VPS33A: variants seen among roughly 807,000 people sequenced by gnomAD.
VPS33A encodes the protein vacuolar protein sorting-associated protein 33A.
A neutral mutation model predicts 71.8 loss-of-function variants in VPS33A; 32 were observed. The observed-to-expected ratio is 0.45, with a 90% confidence interval of 0.34 to 0.60. The LOEUF (loss-of-function observed/expected upper bound fraction) is 0.60, where lower values mean the gene tolerates loss of function less well. Ranked by LOEUF, VPS33A falls within the 20% of genes least tolerant of loss-of-function variation. VPS33A has a pLI of 0.02. For synonymous variants in VPS33A, 311 were observed against 292.7 expected (o/e 1.06, Z -0.64); for missense variants, 625 against 748.5 (o/e 0.84, Z 1.92).
intron 10 of VPS33A, 73 bp downstream of exon 10, chr12:122,238,514 G>A: frequency 1.3e-6 from 2 of 1,527,230 alleles, no homozygotes; most frequent in Admixed American, 4.1e-5. Context: ...AAGCCACTGT[G>A]CCCGGCCCAT....
chr12:122,258,549 A>ATC (rs1230525681), intron 4 of VPS33A, among the ~76,000 whole-genome samples: 1 of 152,142 alleles, frequency 6.6e-6, no homozygotes, highest in Non-Finnish European at 1.5e-5. Flanking sequence ...TGGGCAAGTG[A>ATC]TCTGAACAGA....
In VPS33A at chr12:122,229,604, G is replaced by T. The variant is rs2136116616; in HGVS notation, c.*2642C>A. ...CTTTATTAAGGGGGCTGCTGGTGTA[G>T]AACTGTCTACCCAACTAGACAAAAG... On this transcript the variant is annotated 3_prime_UTR_variant, in exon 13 of 13. Coordinates refer to ENST00000267199, the MANE Select transcript of VPS33A (RefSeq NM_022916.6). 6.6e-6 allele frequency: 1 copy of T among 152,280 alleles called. No individual in the cohort carries two copies. Among genetic ancestry groups the T allele is most frequent in the East Asian group, 1.9e-4 (1 of 5,190 alleles). 9.4% of individuals were successfully genotyped at this position (152,280 alleles called of 1,614,324 possible).
intron 6 of VPS33A, among the ~76,000 whole-genome samples, chr12:122,247,588 C>A (rs571099047): frequency 6.6e-6 from 1 of 152,156 alleles, no homozygotes; most frequent in African/African-American, 2.4e-5. Flanking sequence ...TCATGCATGT[C>A]TCTCTCTCCG....
intron 4 of VPS33A, among the ~76,000 whole-genome samples, chr12:122,257,244 T>C (rs1458025347): frequency 6.6e-6 from 1 of 151,302 alleles, no homozygotes; most frequent in African/African-American, 2.4e-5. Flanking sequence ...CTGGGCAACA[T>C]GGTAAAATCC....
Position 122,263,577 on chromosome 12 carries a change from C to T in VPS33A, c.291G>A (p.Val97=), listed in dbSNP as rs752042206. Residue 97 remains valine (V), a synonymous_variant, in exon 3 of 13, where the codon GTG becomes GTA. Transcript: ENST00000267199. ...LELMDIIAEN[V]LSEDRRGPTR... ...AAACACAAGCTCTGAGATACCTGAG[C>T]ACGTTTTCAGCGATTATATCCATCA... 7 of 1,603,982 alleles carry T rather than the reference C, an allele frequency of 4.4e-6. No individual in the cohort carries two copies. The South Asian group carries it at 7.8e-5, about 18-fold the overall frequency.
intron 10 of VPS33A, among the ~76,000 whole-genome samples, chr12:122,236,201 C>A (rs1175683137): frequency 3.3e-5 from 5 of 151,686 alleles, no homozygotes. Flanking sequence ...AAGCAAGCAT[C>A]AAATAAATGA....
intron 7 of VPS33A, among the ~76,000 whole-genome samples, chr12:122,243,664 A>C (rs921368667): frequency 5.3e-5 from 8 of 152,240 alleles, no homozygotes; most frequent in Non-Finnish European, 1.2e-4. Context: ...CAATTAATGA[A>C]CATAATTCCT....
chr12:122,262,636 A>C (rs1592933596), intron 3 of VPS33A, among the ~76,000 whole-genome samples: 1 of 147,498 alleles, frequency 6.8e-6, no homozygotes, highest in African/African-American at 2.5e-5. Context: ...AAATTCAAGT[A>C]CATGCAGTAT....
At chr12:122,238,814 G>T in intron 9 of VPS33A, 90 bp from the exon 10 acceptor site, 2 of 1,122,130 alleles carry the variant, frequency 1.8e-6, no homozygotes, top group Non-Finnish European at 2.4e-6. Flanking sequence ...CACAATACAT[G>T]GTTTAGGAAC....
chr12:122,244,455 G>T, intron 7 of VPS33A, 114 bp downstream of exon 7: 1 of 896,558 alleles, frequency 1.1e-6, no homozygotes, highest in Non-Finnish European at 1.6e-6. Context: ...GATGAGAAAA[G>T]TTGCATTGAA....
At chr12:122,237,629 C>T (rs571655656) in intron 10 of VPS33A, among the ~76,000 whole-genome samples, 7 of 142,968 alleles carry the variant, frequency 4.9e-5, no homozygotes, top group South Asian at 4.5e-4. Context: ...CTGCAAGCTC[C>T]GCCTCCCGGG....
chr12:122,239,779 A>AAAAAAAAAAAAAAAAT, intron 9 of VPS33A, 99 bp downstream of exon 9: 4 of 507,360 alleles, frequency 7.9e-6, no homozygotes, highest in East Asian at 4.2e-5. Flanking sequence ...AAAAAAAAAA[A>AAAAAAAAAAAAAAAAT]GGCAAGGCAT....
At chr12:122,256,978 T>C (rs918761308) in intron 4 of VPS33A, among the ~76,000 whole-genome samples, 2 of 152,104 alleles carry the variant, frequency 1.3e-5, no homozygotes, top group African/African-American at 4.8e-5. Flanking sequence ...TAACGCAACA[T>C]ACCAAAGTAT....
chr12:122,255,042 C>T (rs1469938664), intron 4 of VPS33A, among the ~76,000 whole-genome samples: 2 of 138,288 alleles, frequency 1.4e-5, no homozygotes, highest in Non-Finnish European at 3.0e-5. Flanking sequence ...CAGAGTGAAA[C>T]TCAGTTTCAA....
chr12:122,261,989 G>C (rs556369757), intron 3 of VPS33A, among the ~76,000 whole-genome samples: 2 of 151,974 alleles, frequency 1.3e-5, no homozygotes, highest in African/African-American at 4.8e-5. Context: ...GCAACACAGC[G>C]AGACTCCATC....
At chr12:122,262,925 G>A (rs967987636) in intron 3 of VPS33A, among the ~76,000 whole-genome samples, 10 of 151,878 alleles carry the variant, frequency 6.6e-5, no homozygotes, top group Middle Eastern at 3.2e-3. Flanking sequence ...AGCACATCAC[G>A]GAGAATGGGG....
Position 122,266,461 on chromosome 12 carries a change from CG to C in VPS33A, c.-54del. ...CGCCAACCGAGTCCGCCGGTTCCTA[CG>C]GGAGGACCACGGACGCAGTCACGTG... On this transcript the variant is annotated 5_prime_UTR_variant, in exon 1 of 13. Coordinates refer to ENST00000267199, the MANE Select transcript of VPS33A (RefSeq NM_022916.6). 1.3e-6 allele frequency: 2 copies of C among 1,580,994 alleles called. No homozygotes were observed. The highest frequency in any genetic ancestry group is 2.2e-5 in the South Asian group (2 of 89,368).
chr12:122,232,924 G>A lies in VPS33A; in HGVS notation c.1485C>T (p.Leu495=), dbSNP rs1354266418. 8 of 1,613,906 alleles carry A rather than the reference G, an allele frequency of 5.0e-6. No homozygotes were observed. The highest frequency in any genetic ancestry group is 6.8e-6 in the Non-Finnish European group (8 of 1,180,018). Residue 495 remains leucine, a synonymous_variant, in exon 12 of 13, where the codon CTC becomes CTT. Coordinates refer to ENST00000267199, the MANE Select transcript of VPS33A (RefSeq NM_022916.6). ...AAAGCAGCTGGGCCAGCCGCACACT[G>A]AGCGGGGCATACCCACTGTACACAT... ...ISYVYSGYAP[L]SVRLAQLLSR...
intron 9 of VPS33A, 129 bp downstream of exon 9, chr12:122,239,749 C>CAAAATAAAAAAAA (rs1954687130): frequency 5.6e-6 from 1 of 177,478 alleles, no homozygotes; most frequent in Non-Finnish European, 9.6e-6. Context: ...GACTCCGTCT[C>CAAAATAAAAAAAA]AAAAAAAAAA....
Sources: allele counts gnomAD v4.1 joint callset (sites outside exome capture counted in the v4.1 genomes callset), GRCh38; gene constraint gnomAD v4.1.1; transcripts MANE v1.5; gene names NCBI Gene and HGNC (gene_info 2026-07-23, HGNC 2026-07-21).